Variants in SUFU observed in about 807,000 individuals in gnomAD.
The protein encoded by SUFU is suppressor of fused homolog.
A neutral mutation model predicts 58.9 loss-of-function variants in SUFU; 7 were observed. The ratio of observed to expected loss-of-function variants is 0.12; its 90% CI spans 0.07 to 0.22. SUFU has a LOEUF of 0.22. Among genes scored for constraint, SUFU ranks in the 10% least tolerant of loss-of-function variants. The pLI is 1.00. For missense variants in SUFU, 451 were observed against 641.3 expected (o/e 0.70, Z 3.20); for synonymous variants, 232 against 254.8 (o/e 0.91, Z 0.85).
At chr10:102,605,967 G>A (rs7075269) in intron 8 of SUFU, among the ~76,000 whole-genome samples, 68,999 of 152,038 alleles carry the variant, frequency 0.45, 16,051 homozygotes, top group East Asian at 0.68. Flanking sequence ...GCTAAAAGGA[G>A]TCTCAATGGT....
intron 2 of SUFU, among the ~76,000 whole-genome samples, chr10:102,541,869 C>T (rs1194661397): frequency 1.4e-5 from 2 of 138,186 alleles, no homozygotes; most frequent in Admixed American, 8.1e-5. Flanking sequence ...CCGCCATGCC[C>T]GGCTAATTTT....
At chr10:102,520,750 C>A (rs911087103) in intron 2 of SUFU, among the ~76,000 whole-genome samples, 6 of 152,316 alleles carry the variant, frequency 3.9e-5, no homozygotes, top group Admixed American at 3.9e-4. Flanking sequence ...TAGCTTCTTT[C>A]ACTGAGTAAT....
Position 102,630,243 on chromosome 10 carries a change from C to G in SUFU, c.*88C>G. On this transcript the variant is annotated 3_prime_UTR_variant, in exon 12 of 12. Coordinates refer to ENST00000369902, the MANE Select transcript of SUFU (RefSeq NM_016169.4). ...AACAGTTGTGTCAACGAGATCTCCA[C>G]AAATAAAAGGACAAGTGTGAGGAAG... 8.6e-7 allele frequency: 1 copy of G among 1,166,226 alleles called. No homozygotes were observed. The highest frequency in any genetic ancestry group is 1.3e-6 in the Non-Finnish European group (1 of 782,706). The allele number at this position is 1,166,226 out of a possible 1,614,324, so 72.2% of individuals were successfully genotyped here. A position where few individuals can be genotyped will look rare whatever the true frequency, so the allele number is the denominator to read the frequency against.
At chr10:102,606,829 A>G (rs1325677961) in intron 8 of SUFU, among the ~76,000 whole-genome samples, 3 of 152,170 alleles carry the variant, frequency 2.0e-5, no homozygotes, top group African/African-American at 2.4e-5. Flanking sequence ...TGAGGAAGAC[A>G]TATGGGGGTA....
intron 3 of SUFU, among the ~76,000 whole-genome samples, chr10:102,580,027 G>GCT (rs1378925159): frequency 7.2e-5 from 3 of 41,950 alleles, no homozygotes; most frequent in Non-Finnish European, 1.5e-4. Context: ...CTCCTCCCCC[G>GCT]CACCCCCCCC....
At chr10:102,512,942 A>G (rs1031287852) in intron 2 of SUFU, among the ~76,000 whole-genome samples, 2 of 151,856 alleles carry the variant, frequency 1.3e-5, no homozygotes, top group Non-Finnish European at 2.9e-5. Flanking sequence ...GGTGGTGTGC[A>G]TCGTAGCCCT....
chr10:102,627,087 G>A, intron 10 of SUFU, 88 bp from the exon 11 acceptor site: 1 of 1,391,652 alleles, frequency 7.2e-7, no homozygotes. Context: ...TCTCCTCCAT[G>A]GTCAGAAGAG....
chr10:102,602,157 C>G (rs1223576169), intron 8 of SUFU, among the ~76,000 whole-genome samples: 1 of 152,324 alleles, frequency 6.6e-6, no homozygotes, highest in South Asian at 2.1e-4. Flanking sequence ...TTTATCTTAT[C>G]CTCATAGCCA....
chr10:102,623,586 C>T (rs1218675036), intron 10 of SUFU, among the ~76,000 whole-genome samples: 1 of 152,208 alleles, frequency 6.6e-6, no homozygotes, highest in East Asian at 1.9e-4. Context: ...GGGGTGTCTT[C>T]CCCAGACAGG....
chr10:102,615,335 C>A lies in SUFU; in HGVS notation c.1090C>A (p.Arg364=), dbSNP rs1305395503. The A allele has an allele frequency of 1.2e-6, 2 of 1,614,152 alleles. No individual in the cohort carries two copies. The highest frequency in any genetic ancestry group is 1.1e-5 in the South Asian group (1 of 91,076). The change falls in exon 9 of 12, where the codon CGG becomes AGG. Residue 364 remains arginine, a synonymous_variant. Coordinates refer to ENST00000369902, the MANE Select transcript of SUFU (RefSeq NM_016169.4). ...CATTCCCCATGAGCTGATTCGCACG[C>A]GGCAGCTTGAGAGCGTACATCTGAA... ...AIIPHELIRT[R]QLESVHLKFN...
chr10:102,598,310 C>T (rs1045912075), intron 7 of SUFU, among the ~76,000 whole-genome samples: 7 of 152,080 alleles, frequency 4.6e-5, no homozygotes, highest in South Asian at 4.2e-4. Context: ...GAGCCACCAA[C>T]GCCCAGCTAA....
At chr10:102,597,438 T>C in intron 7 of SUFU, 145 bp downstream of exon 7, 2 of 1,147,628 alleles carry the variant, frequency 1.7e-6, no homozygotes, top group Non-Finnish European at 1.2e-6. Context: ...GCAAGTGAAG[T>C]CTTCCAGCAG....
intron 3 of SUFU, among the ~76,000 whole-genome samples, chr10:102,556,613 C>T (rs1371641433): frequency 2.6e-5 from 4 of 151,728 alleles, no homozygotes; most frequent in Non-Finnish European, 5.9e-5. Flanking sequence ...AGTGCTGGCA[C>T]GTGCCTGTAA....
intron 3 of SUFU, among the ~76,000 whole-genome samples, chr10:102,558,911 C>A (rs971198582): frequency 6.6e-6 from 1 of 152,206 alleles, no homozygotes; most frequent in Non-Finnish European, 1.5e-5. Context: ...AACACCCTGA[C>A]CAGAGTGGCC....
chr10:102,550,205 T>G, intron 3 of SUFU, 99 bp downstream of exon 3: 2 of 1,540,282 alleles, frequency 1.3e-6, no homozygotes. Flanking sequence ...GGAGTGGCCT[T>G]TCCTGGGAGT....
At chr10:102,620,896 A>G (rs529376299) in intron 10 of SUFU, among the ~76,000 whole-genome samples, 1 of 152,330 alleles carries the variant, frequency 6.6e-6, no homozygotes, top group East Asian at 1.9e-4. Context: ...TAGGGGTCAC[A>G]TCACCAAATA....
At chr10:102,602,660 C>G (rs537510031) in intron 8 of SUFU, among the ~76,000 whole-genome samples, 98 of 152,344 alleles carry the variant, frequency 6.4e-4, no homozygotes, top group South Asian at 1.0e-3. Flanking sequence ...CCTCTACCAC[C>G]TCAGGGCTAG....
chr10:102,525,988 C>T (rs1197890194), intron 2 of SUFU, among the ~76,000 whole-genome samples: 1 of 152,038 alleles, frequency 6.6e-6, no homozygotes, highest in Non-Finnish European at 1.5e-5. Flanking sequence ...TAAAGCAGGG[C>T]CCCAGCTACT....
rs186101219 is a variant in SUFU, at chr10:102,529,241, G to A, written c.317+19938G>A. On this transcript the variant is annotated intron_variant, in intron 2 of 11. Transcript: ENST00000369902. ...CTCTGCAGTTGTTTATTTAGTAGTT[G>A]TTGACTGAATTCTGTTGTAATGGCT... Among the ~76,000 whole-genome samples, 760 of 152,162 alleles carry A rather than the reference G, an allele frequency of 5.0e-3. 4 individuals are homozygous for A. Among genetic ancestry groups the A allele is most frequent in the Non-Finnish European group, 6.8e-3 (462 of 67,974 alleles).
Sources: allele counts gnomAD v4.1 joint callset (sites outside exome capture counted in the v4.1 genomes callset), GRCh38; gene constraint gnomAD v4.1.1; transcripts MANE v1.5; gene names NCBI Gene and HGNC (gene_info 2026-07-23, HGNC 2026-07-21).